The following LINGO2 variants were observed in gnomAD, a reference collection of about 807,000 sequenced individuals.
The protein encoded by LINGO2 is leucine-rich repeat and immunoglobulin-like domain-containing nogo receptor-interacting protein 2.
A neutral mutation model predicts 30.6 loss-of-function variants in LINGO2; 14 were observed. The observed-to-expected ratio is 0.46, with a 90% CI of 0.30 to 0.72. The LOEUF is 0.72. Ranked by LOEUF, LINGO2 falls within the 30% of genes least tolerant of loss-of-function variation. LINGO2 has a pLI of 0.07. For synonymous variants in LINGO2, 317 were observed against 288.5 expected (o/e 1.10, Z -1.00); for missense variants, 729 against 751.7 (o/e 0.97, Z 0.35).
intron 4 of LINGO2, among the ~76,000 whole-genome samples, chr9:28,278,805 G>A (rs1428458949): frequency 6.6e-6 from 1 of 152,076 alleles, no homozygotes; most frequent in Admixed American, 6.5e-5. Context: ...TGACTTTTAG[G>A]TTTTATTATT....
the LINGO2 span, among the ~76,000 whole-genome samples, chr9:29,087,322 G>A: frequency 6.6e-6 from 1 of 152,188 alleles, no homozygotes; most frequent in East Asian, 1.9e-4. Context: ...AATATTAAAT[G>A]AGATAAATAT....
the LINGO2 span, among the ~76,000 whole-genome samples, chr9:28,830,303 C>T: frequency 3.9e-5 from 6 of 152,234 alleles, no homozygotes; most frequent in East Asian, 9.7e-4. Flanking sequence ...TATGGAACTA[C>T]AGCCCTGGAT....
chr9:29,176,210 GACA>G, the LINGO2 span, among the ~76,000 whole-genome samples: 1 of 152,124 alleles, frequency 6.6e-6, no homozygotes, highest in African/African-American at 2.4e-5. Context: ...TGAGAAGACA[GACA>G]ACTAACCAAA....
the LINGO2 span, among the ~76,000 whole-genome samples, chr9:29,213,441 T>C: frequency 2.0e-5 from 3 of 152,008 alleles, no homozygotes; most frequent in Admixed American, 6.6e-5. Flanking sequence ...GTGTCTACGC[T>C]GGGGAAACTT....
At chr9:29,063,269 C>A in the LINGO2 span, among the ~76,000 whole-genome samples, 2 of 152,088 alleles carry the variant, frequency 1.3e-5, no homozygotes, top group African/African-American at 4.8e-5. Context: ...GCTGCAGAAA[C>A]AACAGAGCAC....
At chr9:28,506,651 T>G (rs1032398434) in intron 1 of LINGO2, among the ~76,000 whole-genome samples, 1 of 150,896 alleles carries the variant, frequency 6.6e-6, no homozygotes, top group Non-Finnish European at 1.5e-5. Flanking sequence ...TATATAAATA[T>G]ATATACCTGC....
At chr9:28,932,246 T>C in the LINGO2 span, among the ~76,000 whole-genome samples, 1 of 152,030 alleles carries the variant, frequency 6.6e-6, no homozygotes, top group African/African-American at 2.4e-5. Context: ...TTTGGGAACA[T>C]TCATTCTTTT....
At chr9:28,006,007 T>A (rs1822249208) in intron 5 of LINGO2, among the ~76,000 whole-genome samples, 1 of 152,086 alleles carries the variant, frequency 6.6e-6, no homozygotes, top group Admixed American at 6.6e-5. Flanking sequence ...AATAGGCCTG[T>A]ATGTACTGAT....
intron 4 of LINGO2, among the ~76,000 whole-genome samples, chr9:28,091,053 C>G (rs747997476): frequency 6.6e-5 from 10 of 151,874 alleles, no homozygotes; most frequent in East Asian, 3.9e-4. Flanking sequence ...CACTGCTCAA[C>G]GAAATAAAAG....
intron 1 of LINGO2, among the ~76,000 whole-genome samples, chr9:28,639,440 A>G (rs1340179808): frequency 1.3e-5 from 2 of 151,194 alleles, no homozygotes; most frequent in East Asian, 3.9e-4. Context: ...TCCCATTATT[A>G]TTGTGTGGGA....
At chr9:28,357,424 A>G (rs1048857064) in intron 3 of LINGO2, among the ~76,000 whole-genome samples, 31 of 151,120 alleles carry the variant, frequency 2.1e-4, no homozygotes, top group Admixed American at 1.9e-3. Context: ...TTTAGTGTAG[A>G]ATTAATTATA....
At chr9:28,846,733 C>T in the LINGO2 span, among the ~76,000 whole-genome samples, 1 of 148,010 alleles carries the variant, frequency 6.8e-6, no homozygotes, top group African/African-American at 2.6e-5. Context: ...CCCTACACTG[C>T]ATTTCACTTC....
the LINGO2 span, among the ~76,000 whole-genome samples, chr9:29,055,951 T>TATAC: frequency 6.7e-6 from 1 of 150,050 alleles, no homozygotes; most frequent in African/African-American, 2.5e-5. Context: ...TATATATACA[T>TATAC]ATATATGTAC....
At chr9:28,083,571 T>C (rs1462489798) in intron 4 of LINGO2, among the ~76,000 whole-genome samples, 1 of 152,112 alleles carries the variant, frequency 6.6e-6, no homozygotes, top group African/African-American at 2.4e-5. Flanking sequence ...AATCCCCTTC[T>C]CTTTATGGTT....
At chr9:28,349,914 A>T in intron 3 of LINGO2, among the ~76,000 whole-genome samples, 1 of 152,150 alleles carries the variant, frequency 6.6e-6, no homozygotes, top group Non-Finnish European at 1.5e-5. Flanking sequence ...TCATAAGTGA[A>T]GGAGAAATAA....
chr9:28,216,258 T>C (rs1820763437), intron 4 of LINGO2, among the ~76,000 whole-genome samples: 2 of 151,932 alleles, frequency 1.3e-5, no homozygotes, highest in Non-Finnish European at 2.9e-5. Flanking sequence ...GCTTTTCTAA[T>C]TCAGGATTTT....
chr9:28,719,627 C>T, the LINGO2 span, among the ~76,000 whole-genome samples: 1 of 151,900 alleles, frequency 6.6e-6, no homozygotes, highest in Non-Finnish European at 1.5e-5. Flanking sequence ...TGTTTTCCCC[C>T]TTTTTATGCT....
At chr9:28,149,495 CT>C (rs1827924405) in intron 4 of LINGO2, among the ~76,000 whole-genome samples, 1 of 149,254 alleles carries the variant, frequency 6.7e-6, no homozygotes, top group South Asian at 2.1e-4. Context: ...TGACGAGCGC[CT>C]CTGCCCAGCC....
intron 1 of LINGO2, among the ~76,000 whole-genome samples, chr9:28,564,923 C>CT (rs1163495924): frequency 2.6e-5 from 4 of 152,012 alleles, no homozygotes; most frequent in African/African-American, 9.7e-5. Flanking sequence ...TGCTGCATAC[C>CT]TGCCCTGAGG....
Sources: gnomAD v4.1 joint callset for allele counts (sites outside exome capture counted in the v4.1 genomes callset) on GRCh38, gnomAD v4.1.1 for gene constraint, MANE v1.5 for transcripts, NCBI Gene and HGNC (gene_info 2026-07-23, HGNC 2026-07-21) for gene names.